Variants in METAP1D observed in about 807,000 individuals in gnomAD.
The protein encoded by METAP1D is methionyl aminopeptidase type 1D, mitochondrial.
Under a neutral mutation model 40.5 loss-of-function variants are expected in METAP1D, and 31 were observed. The observed-to-expected ratio is 0.77, with a 90% confidence interval of 0.58 to 1.03. The LOEUF is 1.03. Among genes scored for constraint, METAP1D ranks in the 50% least tolerant of loss-of-function variants. The pLI, the probability that METAP1D is intolerant of heterozygous loss-of-function variation, is 0.00. For synonymous variants in METAP1D, 151 were observed against 146.4 expected (o/e 1.03, Z -0.22); for missense variants, 411 against 420.7 (o/e 0.98, Z 0.20).
rs546510075 is a variant in METAP1D at position 172,078,609 on chromosome 2, C to T, written c.803-606C>T. Among the ~76,000 whole-genome samples the T allele has an allele frequency of 4.1e-4, 63 of 152,294 alleles. 1 individual carries two copies. In the South Asian group the frequency reaches 0.011, roughly 26 times the overall value. Reference sequence around the variant, plus strand: ...TTGGTCCATAGAAGGACTACTCTTTCGGACCCATGCCCTCGAGGATCGCTG... The same window carrying T: ...TTGGTCCATAGAAGGACTACTCTTTTGGACCCATGCCCTCGAGGATCGCTG... On this transcript the variant is annotated intron_variant, in intron 7 of 9. Coordinates refer to ENST00000315796, the MANE Select transcript of METAP1D (RefSeq NM_199227.3).
chr2:172,000,013 A>G lies in METAP1D; in HGVS notation c.40+4A>G. ...GTCCACCTGCTCGTCCGCAGAGGTA[A>G]GCGCGTGGAGGAGAGCCCCGTGAGG... On this transcript the variant is annotated splice_donor_region_variant and intron_variant, in intron 1 of 9. Transcript: ENST00000315796. The G allele has an allele frequency of 7.5e-7, 1 of 1,334,136 alleles. No individual in the cohort carries two copies. Among genetic ancestry groups the G allele is most frequent in the South Asian group, 1.9e-5 (1 of 51,326 alleles). 82.6% of individuals were successfully genotyped at this position (1,334,136 alleles called of 1,614,324 possible).
chr2:172,023,801 G>C (rs922535898), intron 1 of METAP1D, among the ~76,000 whole-genome samples: 1 of 151,770 alleles, frequency 6.6e-6, no homozygotes, highest in African/African-American at 2.4e-5. Context: ...TAAAGAGTAA[G>C]TATAGTAAAA....
intron 6 of METAP1D, among the ~76,000 whole-genome samples, chr2:172,071,714 CT>C (rs1305138871): frequency 1.3e-5 from 2 of 152,008 alleles, no homozygotes; most frequent in Non-Finnish European, 2.9e-5. Context: ...ACTTTTAGGT[CT>C]TTTTTCCCCC....
In METAP1D at chr2:172,045,790, T is replaced by C. The variant is rs1171130857; in HGVS notation, c.41-15708T>C. Reference sequence around the variant, plus strand: ...ATATATGTATATATGTGTATGTATATGTATATATGTGTGTGTGTGTGTGTG... The same window carrying C: ...ATATATGTATATATGTGTATGTATACGTATATATGTGTGTGTGTGTGTGTG... On this transcript the variant is annotated intron_variant, in intron 1 of 9. Coordinates refer to ENST00000315796, the MANE Select transcript of METAP1D (RefSeq NM_199227.3). Among the ~76,000 whole-genome samples, 150 of 79,202 alleles carry C rather than the reference T, an allele frequency of 1.9e-3. 5 individuals carry two copies. The East Asian group carries it at 0.046, about 24-fold the overall frequency. The allele number at this position is 79,202 out of a possible 152,430, so 52.0% of individuals were successfully genotyped here. A position where few individuals can be genotyped will look rare whatever the true frequency, so the allele number is the denominator to read the frequency against.
chr2:172,042,825 A>ATGTACACATATACGTGTGTGTGTGTG lies in METAP1D; in HGVS notation c.41-18672_41-18671insGTACACATATACGTGTGTGTGTGTGT, dbSNP rs1559008101. The stretch of plus-strand genomic sequence containing the variant: ...TATGTACACATATACGTGTGTGTGT[A>ATGTACACATATACGTGTGTGTGTGTG]TATGTACACATATACGTGTGTGTGT... On this transcript the variant is annotated intron_variant, in intron 1 of 9. Coordinates refer to ENST00000315796, the MANE Select transcript of METAP1D (RefSeq NM_199227.3). Among the ~76,000 whole-genome samples the ATGTACACATATACGTGTGTGTGTGTG allele has an allele frequency of 1.3e-3, 68 of 54,224 alleles. 31 individuals carry two copies. Among genetic ancestry groups the ATGTACACATATACGTGTGTGTGTGTG allele is most frequent in the South Asian group, 4.8e-3 (8 of 1,676 alleles). 35.6% of individuals were successfully genotyped at this position (54,224 alleles called of 152,430 possible). A position where few individuals can be genotyped will look rare whatever the true frequency, so the allele number is the denominator to read the frequency against.
chr2:172,053,411 T>C (rs866341424), intron 1 of METAP1D, among the ~76,000 whole-genome samples: 2 of 152,218 alleles, frequency 1.3e-5, no homozygotes, highest in African/African-American at 4.8e-5. Flanking sequence ...TAAGTTGGGT[T>C]TTTTTTCTTG....
chr2:172,037,265 GA>G (rs34817409), intron 1 of METAP1D, among the ~76,000 whole-genome samples: 31,238 of 149,118 alleles, frequency 0.21, 3,491 homozygotes, highest in South Asian at 0.25. Context: ...TCCATCTCAA[GA>G]AAAAAAAAAA....
chr2:172,016,300 A>AAAAAAAAATATATATAT (rs1553490378), intron 1 of METAP1D, among the ~76,000 whole-genome samples: 1 of 40,038 alleles, frequency 2.5e-5, no homozygotes, highest in Non-Finnish European at 4.6e-5. Flanking sequence ...AAAAAAAAAA[A>AAAAAAAAATATATATAT]ATATATATAT....
intron 1 of METAP1D, among the ~76,000 whole-genome samples, chr2:172,045,771 GTATATA>G (rs201522068): frequency 2.3e-5 from 2 of 85,816 alleles, no homozygotes; most frequent in South Asian, 4.1e-4. Flanking sequence ...GTGTATATAT[GTATATA>G]TGTGTATGTA....
intron 1 of METAP1D, among the ~76,000 whole-genome samples, chr2:172,014,238 A>G (rs1688796085): frequency 6.6e-6 from 1 of 151,742 alleles, no homozygotes; most frequent in African/African-American, 2.4e-5. Flanking sequence ...AGCCTTCCCA[A>G]GTAGCTGGGA....
chr2:172,080,635 C>G lies in METAP1D; in HGVS notation c.*229C>G. 1 of 602,504 alleles carries G rather than the reference C, an allele frequency of 1.7e-6. No individual in the cohort carries two copies. 37.3% of individuals were successfully genotyped at this position (602,504 alleles called of 1,614,324 possible). ...GAAAAACAAATCCTGGCCCTGGACT[C>G]GGTTTCCCAGCGCGGTCAACGCATC... On this transcript the variant is annotated 3_prime_UTR_variant, in exon 10 of 10. Transcript: ENST00000315796.
Position 172,045,695 on chromosome 2 carries a change from ATATATG to A in METAP1D, c.41-15801_41-15796del, listed in dbSNP as rs1310049950. Among the ~76,000 whole-genome samples the A allele has an allele frequency of 1.0e-4, 7 of 66,922 alleles. No homozygotes were observed. The South Asian group carries it at 1.6e-3, about 15-fold the overall frequency. 43.9% of individuals were successfully genotyped at this position (66,922 alleles called of 152,430 possible). A position where few individuals can be genotyped will look rare whatever the true frequency, so the allele number is the denominator to read the frequency against. ...AAAAAAAAAAAAAAGGATCATTCAT[ATATATG>A]TGTGTGTGTGTGTGTGTGTGTGTGT... is the stretch of plus-strand genomic sequence containing the variant. On this transcript the variant is annotated intron_variant, in intron 1 of 9. Coordinates refer to ENST00000315796, the MANE Select transcript of METAP1D (RefSeq NM_199227.3).
chr2:172,065,983 A>T (rs1170867428), intron 4 of METAP1D, among the ~76,000 whole-genome samples: 1 of 152,222 alleles, frequency 6.6e-6, no homozygotes, highest in Non-Finnish European at 1.5e-5. Flanking sequence ...TGCATTACGT[A>T]TGTCTTTTAC....
intron 5 of METAP1D, among the ~76,000 whole-genome samples, chr2:172,068,494 T>C (rs530581230): frequency 1.3e-5 from 2 of 152,088 alleles, no homozygotes; most frequent in East Asian, 3.9e-4. Flanking sequence ...ATTGTATTTC[T>C]GTATATAGTG....
chr2:172,031,641 A>G lies in METAP1D; in HGVS notation c.41-29857A>G, dbSNP rs2105413795. On this transcript the variant is annotated intron_variant, in intron 1 of 9. Coordinates refer to ENST00000315796, the MANE Select transcript of METAP1D (RefSeq NM_199227.3). ...ACAGACTTGGAGTAGAGTCCAGAAA[A>G]CAGTCTAGTTGAATTCTCAGATGGG... Among the ~76,000 whole-genome samples the G allele has an allele frequency of 2.0e-5, 3 of 152,278 alleles. 1 individual carries two copies. The East Asian group carries it at 5.8e-4, about 29-fold the overall frequency.
At chr2:172,010,340 C>T (rs566690633) in intron 1 of METAP1D, among the ~76,000 whole-genome samples, 2 of 151,324 alleles carry the variant, frequency 1.3e-5, no homozygotes, top group Admixed American at 6.6e-5. Flanking sequence ...TGGGGTTTCA[C>T]CATGTTGCCC....
At chr2:172,034,964 C>T (rs1425290074) in intron 1 of METAP1D, among the ~76,000 whole-genome samples, 1 of 150,176 alleles carries the variant, frequency 6.7e-6, no homozygotes, top group East Asian at 2.0e-4. Context: ...TATAGAGAAA[C>T]CCTGATTGTT....
intron 1 of METAP1D, among the ~76,000 whole-genome samples, chr2:172,050,820 A>G (rs758432265): frequency 5.9e-5 from 9 of 152,216 alleles, no homozygotes; most frequent in Non-Finnish European, 8.8e-5. Flanking sequence ...AATCTGACAA[A>G]GAAAATGATA....
intron 1 of METAP1D, among the ~76,000 whole-genome samples, chr2:172,001,068 C>A (rs914340061): frequency 1.3e-5 from 2 of 151,870 alleles, no homozygotes; most frequent in African/African-American, 4.8e-5. Flanking sequence ...AAAAGTAAGG[C>A]TAGAGAGGTT....
Sources: gnomAD v4.1 joint callset for allele counts (sites outside exome capture counted in the v4.1 genomes callset) on GRCh38, gnomAD v4.1.1 for gene constraint, MANE v1.5 for transcripts, NCBI Gene and HGNC (gene_info 2026-07-23, HGNC 2026-07-21) for gene names.